Variants in TASP1 observed in about 807,000 individuals in gnomAD.
TASP1 encodes threonine aspartase 1.
TASP1 carries 16 observed loss-of-function variants against 56.6 expected under a neutral mutation model. The ratio of observed to expected loss-of-function variants is 0.28; its 90% CI spans 0.19 to 0.43. The LOEUF (loss-of-function observed/expected upper bound fraction) is 0.43, where lower values mean the gene tolerates loss of function less well. Ranked by LOEUF, TASP1 falls within the 20% of genes least tolerant of loss-of-function variation. The pLI, the probability that TASP1 is intolerant of heterozygous loss-of-function variation, is 1.00. For synonymous variants in TASP1, 179 were observed against 184.2 expected (o/e 0.97, Z 0.23); for missense variants, 393 against 511.6 (o/e 0.77, Z 2.24).
chr20:13,582,918 C>G (rs2047175904), intron 5 of TASP1, among the ~76,000 whole-genome samples: 2 of 152,188 alleles, frequency 1.3e-5, no homozygotes, highest in Non-Finnish European at 2.9e-5. Context: ...TAAAGAAACA[C>G]TGTAGGAGGA....
intron 9 of TASP1, 21 bp from the exon 10 acceptor site, chr20:13,528,532 A>G (rs752836143): frequency 6.3e-7 from 1 of 1,582,792 alleles, no homozygotes; most frequent in Admixed American, 1.8e-5. Context: ...AAGAAAATAG[A>G]TATAATATTT....
the TASP1 span, among the ~76,000 whole-genome samples, chr20:13,135,726 A>T: frequency 6.6e-6 from 1 of 152,256 alleles, no homozygotes; most frequent in African/African-American, 2.4e-5. Flanking sequence ...GAACGATTCT[A>T]GCTATATGAA....
chr20:13,153,929 T>C, the TASP1 span: 1 of 1,575,472 alleles, frequency 6.3e-7, no homozygotes, highest in Non-Finnish European at 8.6e-7. Flanking sequence ...TTAAAGATGC[T>C]TGCCAAGTTG....
the TASP1 span, among the ~76,000 whole-genome samples, chr20:13,154,703 A>G: frequency 1.3e-5 from 2 of 152,178 alleles, no homozygotes; most frequent in Non-Finnish European, 2.9e-5. Context: ...TCAGTTTCTC[A>G]TGCCCTTACT....
chr20:13,364,257 A>G, the TASP1 span, among the ~76,000 whole-genome samples: 2 of 152,234 alleles, frequency 1.3e-5, no homozygotes, highest in Admixed American at 6.5e-5. Context: ...CTTTATTTAA[A>G]TAAAGAATTC....
chr20:13,437,401 T>C (rs6109879), intron 11 of TASP1, among the ~76,000 whole-genome samples: 8,885 of 152,160 alleles, frequency 0.058, 363 homozygotes, highest in African/African-American at 0.12. Flanking sequence ...CAGCCAATAT[T>C]GTACTGAATG....
the TASP1 span, chr20:13,221,842 C>T: frequency 2.1e-5 from 30 of 1,443,654 alleles, no homozygotes; most frequent in Non-Finnish European, 2.5e-5. Context: ...TGCACATCAC[C>T]GTGCTGCGCG....
the TASP1 span, among the ~76,000 whole-genome samples, chr20:13,346,528 A>T: frequency 6.6e-6 from 1 of 152,216 alleles, no homozygotes; most frequent in Non-Finnish European, 1.5e-5. Flanking sequence ...AATCCAGAAG[A>T]TGGCAGAGAT....
chr20:13,628,902 A>G (rs1891957475), intron 2 of TASP1, among the ~76,000 whole-genome samples: 1 of 152,206 alleles, frequency 6.6e-6, no homozygotes, highest in South Asian at 2.1e-4. Flanking sequence ...GTCTGTCCTC[A>G]TGGTCCTCTG....
intron 8 of TASP1, among the ~76,000 whole-genome samples, chr20:13,558,743 A>T (rs1331038491): frequency 1.3e-5 from 2 of 152,092 alleles, no homozygotes; most frequent in South Asian, 2.1e-4. Flanking sequence ...TTTTTCCCTG[A>T]TCATATTTCA....
intron 8 of TASP1, among the ~76,000 whole-genome samples, chr20:13,544,502 T>C (rs1272161327): frequency 6.6e-6 from 1 of 151,964 alleles, no homozygotes; most frequent in Non-Finnish European, 1.5e-5. Flanking sequence ...CATAGAGGCA[T>C]GTGTATCATA....
the TASP1 span, chr20:13,154,081 A>G: frequency 2.4e-5 from 39 of 1,614,020 alleles, no homozygotes; most frequent in Admixed American, 1.3e-4. Flanking sequence ...TTCATTATCT[A>G]TGGCAATGAG....
At chr20:13,233,590 C>T in the TASP1 span, among the ~76,000 whole-genome samples, 4 of 132,828 alleles carry the variant, frequency 3.0e-5, no homozygotes, top group East Asian at 8.7e-4. Context: ...AGCGAAACTC[C>T]ATCTCAAAAA....
At chr20:13,377,010 T>G in the TASP1 span, among the ~76,000 whole-genome samples, 1 of 152,232 alleles carries the variant, frequency 6.6e-6, no homozygotes, top group East Asian at 1.9e-4. Flanking sequence ...TACAATCATG[T>G]CATCTGCAAA....
intron 11 of TASP1, among the ~76,000 whole-genome samples, chr20:13,443,767 A>G (rs1600814371): frequency 6.6e-6 from 1 of 152,356 alleles, no homozygotes; most frequent in African/African-American, 2.4e-5. Context: ...ATTTGAATGC[A>G]TATTATTTTG....
At chr20:13,365,776 T>C in the TASP1 span, among the ~76,000 whole-genome samples, 1 of 152,176 alleles carries the variant, frequency 6.6e-6, no homozygotes, top group Non-Finnish European at 1.5e-5. Flanking sequence ...GGAAAACCAC[T>C]GGAAACAAGT....
chr20:13,156,351 T>C, the TASP1 span, among the ~76,000 whole-genome samples: 11 of 152,274 alleles, frequency 7.2e-5, no homozygotes, highest in Middle Eastern at 3.4e-3. Context: ...AGTCCGTAAG[T>C]AGTGAAAACA....
At chr20:13,503,158 C>T (rs1181228167) in intron 10 of TASP1, among the ~76,000 whole-genome samples, 1 of 152,038 alleles carries the variant, frequency 6.6e-6, no homozygotes, top group Non-Finnish European at 1.5e-5. Context: ...ACTAACCACT[C>T]CATGACTCCT....
chr20:13,221,648 G>A, the TASP1 span: 2 of 754,632 alleles, frequency 2.7e-6, no homozygotes, highest in East Asian at 4.5e-5. Flanking sequence ...CCCGGGAAGC[G>A]GAGCCCTGGC....
Sources: allele counts gnomAD v4.1 joint callset (sites outside exome capture counted in the v4.1 genomes callset), GRCh38; gene constraint gnomAD v4.1.1; transcripts MANE v1.5; gene names NCBI Gene and HGNC (gene_info 2026-07-23, HGNC 2026-07-21).